Variants in MGRN1 observed in about 807,000 individuals in gnomAD.
MGRN1 encodes E3 ubiquitin-protein ligase MGRN1.
MGRN1 carries 29 observed loss-of-function variants against 69.2 expected under a neutral mutation model. The observed-to-expected ratio is 0.42, with a 90% CI of 0.31 to 0.57. MGRN1 has a LOEUF of 0.57. MGRN1 is among the 20% of genes least tolerant of loss of function. The pLI, the probability that MGRN1 is intolerant of heterozygous loss-of-function variation, is 0.15. For synonymous variants in MGRN1, 470 were observed against 344.2 expected (o/e 1.37, Z -4.04); for missense variants, 998 against 796.2 (o/e 1.25, Z -3.05).
At chr16:4,644,894 C>T (rs928313279) in intron 1 of MGRN1, among the ~76,000 whole-genome samples, 1 of 152,016 alleles carries the variant, frequency 6.6e-6, no homozygotes, top group Non-Finnish European at 1.5e-5. Context: ...AGAACATGGT[C>T]CCAGTTTTGT....
intron 2 of MGRN1, chr16:4,650,803 C>A: frequency 4.3e-6 from 1 of 232,614 alleles, no homozygotes; most frequent in Non-Finnish European, 8.3e-6. Context: ...ACTTTCTTTA[C>A]AAGGCAAAAA....
intron 1 of MGRN1, among the ~76,000 whole-genome samples, chr16:4,643,905 A>G (rs1017230241): frequency 6.6e-6 from 1 of 152,180 alleles, no homozygotes; most frequent in Non-Finnish European, 1.5e-5. Flanking sequence ...TCTCCTGGTT[A>G]ATTCATGCAT....
At position 4,643,168 on chromosome 16, in the gene MGRN1, C is replaced by A. The variant is rs180895025; in HGVS notation, c.89-7197C>A. ...ATGGGATTTCGCCATGTTGGCCAGG[C>A]TGGTCTCAATCTCGATCTCCTGACC... is the stretch of plus-strand genomic sequence containing the variant. On this transcript the variant is annotated intron_variant, in intron 1 of 16. Transcript: ENST00000262370. 5.1e-3 allele frequency among the ~76,000 whole-genome samples: 769 copies of A among 152,156 alleles called. 6 individuals carry two copies. The highest frequency in any genetic ancestry group is 0.017 in the African/African-American group (723 of 41,510).
chr16:4,681,483 C>A, intron 12 of MGRN1, 67 bp from the exon 13 acceptor site: 1 of 1,463,082 alleles, frequency 6.8e-7, no homozygotes, highest in Non-Finnish European at 9.4e-7. Context: ...AGGAGGTCAT[C>A]AGGAGGAGCG....
intron 16 of MGRN1, among the ~76,000 whole-genome samples, chr16:4,684,787 G>A (rs867027983): frequency 3.3e-5 from 5 of 152,254 alleles, no homozygotes; most frequent in Non-Finnish European, 5.9e-5. Flanking sequence ...CTGGAACTGC[G>A]ATAAACAGCC....
At chr16:4,630,267 G>C (rs1228252500) in intron 1 of MGRN1, among the ~76,000 whole-genome samples, 1 of 148,908 alleles carries the variant, frequency 6.7e-6, no homozygotes, top group African/African-American at 2.5e-5. Context: ...CAGAAGAATC[G>C]CTGGAACCCG....
intron 5 of MGRN1, among the ~76,000 whole-genome samples, chr16:4,659,976 T>G (rs997637350): frequency 6.6e-6 from 1 of 152,186 alleles, no homozygotes; most frequent in African/African-American, 2.4e-5. Context: ...TGGCCCCATT[T>G]GGGGCGGGGG....
chr16:4,680,695 G>A (rs1567234200), intron 12 of MGRN1: 1 of 153,014 alleles, frequency 6.5e-6, no homozygotes, highest in Non-Finnish European at 1.5e-5. Flanking sequence ...ATTCTGTGTG[G>A]TTATTTACCC....
intron 1 of MGRN1, chr16:4,640,718 A>G (rs2141848250): frequency 6.6e-6 from 1 of 151,956 alleles, no homozygotes; most frequent in African/African-American, 2.4e-5. Context: ...CTGCTGGGGA[A>G]GCCCCTTGGG....
intron 1 of MGRN1, among the ~76,000 whole-genome samples, chr16:4,642,507 G>C (rs2078183347): frequency 1.5e-5 from 2 of 136,298 alleles, no homozygotes; most frequent in Admixed American, 1.4e-4. Context: ...TGTGTTTTTA[G>C]TAGAGATGGG....
At chr16:4,628,951 C>T (rs1356061622) in intron 1 of MGRN1, among the ~76,000 whole-genome samples, 1 of 152,146 alleles carries the variant, frequency 6.6e-6, no homozygotes, top group Non-Finnish European at 1.5e-5. Context: ...ATTCTCCTGC[C>T]TCAGCCTCCC....
At chr16:4,688,681 G>A in intron 16 of MGRN1, 115 bp from the exon 17 acceptor site, 5 of 1,448,890 alleles carry the variant, frequency 3.5e-6, no homozygotes, top group African/African-American at 1.4e-5. Flanking sequence ...GCCACAGGCG[G>A]CGGGAGTGGG....
chr16:4,677,310 C>G (rs1412116582), intron 10 of MGRN1, 153 bp from the exon 11 acceptor site: 2 of 467,760 alleles, frequency 4.3e-6, no homozygotes, highest in Non-Finnish European at 7.4e-6. Flanking sequence ...CTCCTTAAAA[C>G]TAAAAGAAAA....
At chr16:4,675,561 A>G (rs1310043962) in intron 10 of MGRN1, among the ~76,000 whole-genome samples, 2 of 152,120 alleles carry the variant, frequency 1.3e-5, no homozygotes, top group Non-Finnish European at 2.9e-5. Context: ...CAACATGGCG[A>G]AACCCCATCT....
chr16:4,655,012 C>T (rs894645568), intron 4 of MGRN1, among the ~76,000 whole-genome samples: 12 of 152,162 alleles, frequency 7.9e-5, no homozygotes, highest in Admixed American at 2.0e-4. Context: ...TGACAGGCGT[C>T]GAATTCTTGG....
intron 1 of MGRN1, among the ~76,000 whole-genome samples, chr16:4,646,322 G>C (rs1479973203): frequency 6.6e-6 from 1 of 152,260 alleles, no homozygotes; most frequent in East Asian, 1.9e-4. Context: ...CCAGCTACTT[G>C]GGAGGCTGAG....
intron 8 of MGRN1, among the ~76,000 whole-genome samples, chr16:4,670,842 T>C (rs913989121): frequency 6.6e-6 from 1 of 152,224 alleles, no homozygotes; most frequent in Non-Finnish European, 1.5e-5. Flanking sequence ...CCTGGAGTGG[T>C]GCTCCTGGCC....
At chr16:4,646,553 C>T (rs531923549) in intron 1 of MGRN1, among the ~76,000 whole-genome samples, 7 of 152,240 alleles carry the variant, frequency 4.6e-5, no homozygotes, top group Admixed American at 1.3e-4. Context: ...GTCCTCCCCT[C>T]GGGACCTCTC....
At chr16:4,671,212 G>A in intron 8 of MGRN1, 179 bp from the exon 9 acceptor site, 1 of 618,156 alleles carries the variant, frequency 1.6e-6, no homozygotes. Flanking sequence ...GGTGCTGCTG[G>A]TTGGGTGGGG....
Sources: gnomAD v4.1 joint callset for allele counts (sites outside exome capture counted in the v4.1 genomes callset) on GRCh38, gnomAD v4.1.1 for gene constraint, MANE v1.5 for transcripts, NCBI Gene and HGNC (gene_info 2026-07-23, HGNC 2026-07-21) for gene names.